The following PKM variants were observed in gnomAD, a reference collection of about 807,000 sequenced individuals.
PKM encodes the protein pyruvate kinase PKM.
A neutral mutation model predicts 49.8 loss-of-function variants in PKM; 18 were observed. That is an observed-to-expected ratio of 0.36 (90% CI 0.25 to 0.54). The LOEUF (loss-of-function observed/expected upper bound fraction) is 0.54, where lower values mean the gene tolerates loss of function less well. Among genes scored for constraint, PKM ranks in the 20% least tolerant of loss-of-function variants. The pLI is 0.89. For missense variants in PKM, 508 were observed against 713.8 expected (o/e 0.71, Z 3.28); for synonymous variants, 239 against 261.8 (o/e 0.91, Z 0.84).
rs1368401188 is a variant in PKM at position 72,202,030 on chromosome 15, T to C, written c.1307+424A>G. On this transcript the variant is annotated intron_variant, in intron 9 of 10. Coordinates refer to ENST00000335181, the MANE Select transcript of PKM (RefSeq NM_002654.6). This position sits in a 1 kb window ranked among gnomAD's most constrained non-coding sequence, Gnocchi z 4.5. ...TTTAGGGCTCAAAAACAGCAGGGAC[T>C]AGTGTGCCAAATGGAGGCACAGTAA... 1 of 261,340 alleles carries C rather than the reference T, an allele frequency of 3.8e-6. No individual in the cohort carries two copies. Among genetic ancestry groups the C allele is most frequent in the Admixed American group, 5.1e-5 (1 of 19,780 alleles). The allele number at this position is 261,340 out of a possible 1,614,324, so 16.2% of individuals were successfully genotyped here. A position where few individuals can be genotyped will look rare whatever the true frequency, so the allele number is the denominator to read the frequency against.
intron 1 of PKM, among the ~76,000 whole-genome samples, chr15:72,220,196 T>C (rs1314591222): frequency 6.6e-6 from 1 of 152,210 alleles, no homozygotes; most frequent in Non-Finnish European, 1.5e-5. Context: ...GCTGTTTCCT[T>C]GAGTTCTCAG....
intron 1 of PKM, among the ~76,000 whole-genome samples, chr15:72,227,067 G>C (rs1328264790): frequency 6.6e-6 from 1 of 152,212 alleles, no homozygotes; most frequent in Non-Finnish European, 1.5e-5. Flanking sequence ...AAAGTCCCAA[G>C]TATTTAAATT....
At chr15:72,210,062 A>G (rs2082209878) in intron 4 of PKM, 5 of 634,068 alleles carry the variant, frequency 7.9e-6, no homozygotes. Flanking sequence ...TATGCTACTT[A>G]ATGATGGGGA....
At chr15:72,203,244 G>T in intron 8 of PKM, 1 of 1,444,010 alleles carries the variant, frequency 6.9e-7, no homozygotes, top group South Asian at 1.1e-5. Flanking sequence ...GGAAAAAAAC[G>T]AGACACAACA....
chr15:72,210,698 A>C (rs546131074), intron 3 of PKM, among the ~76,000 whole-genome samples: 2 of 152,236 alleles, frequency 1.3e-5, no homozygotes, highest in East Asian at 3.9e-4. Context: ...AATTCACCCA[A>C]AGGGCAAATC....
Position 72,202,860 on chromosome 15 carries a change from G to A in PKM, c.1141-240C>T. The A allele has an allele frequency of 2.5e-6, 2 of 786,790 alleles. No homozygotes were observed. Among genetic ancestry groups the A allele is most frequent in the South Asian group, 1.4e-5 (1 of 69,174 alleles). 48.7% of individuals were successfully genotyped at this position (786,790 alleles called of 1,614,324 possible). On this transcript the variant is annotated intron_variant, in intron 8 of 10. Transcript: ENST00000335181. This position sits in a 1 kb window ranked among gnomAD's most constrained non-coding sequence, Gnocchi z 4.5. The stretch of plus-strand genomic sequence containing the variant: ...ATCTACTGTGCCTACTGAGCCACAG[G>A]ACCCTTTGGTCCTGCCCTGCCATGA...
intron 1 of PKM, among the ~76,000 whole-genome samples, chr15:72,230,665 G>A (rs1306935243): frequency 6.6e-6 from 1 of 152,102 alleles, no homozygotes; most frequent in African/African-American, 2.4e-5. Context: ...TAGAATCAGG[G>A]GACACGCACA....
chr15:72,208,880 G>C lies in PKM; in HGVS notation c.577C>G (p.Leu193Val). 6.2e-7 allele frequency: 1 copy of C among 1,613,910 alleles called. No homozygotes were observed. Among genetic ancestry groups the C allele is most frequent in the Non-Finnish European group, 8.5e-7 (1 of 1,179,920 alleles). The change falls in exon 6 of 11, where the codon CTG (leucine) becomes GTG (valine). Residue 193 changes from leucine (L) to valine (V), a missense_variant. Physicochemically the swap from Leu to Val is conservative, Grantham distance 32. Coordinates refer to ENST00000335181, the MANE Select transcript of PKM (RefSeq NM_002654.6). Reference sequence around the variant, plus strand: ...CCACCATTTTCCACCTCCGTCACCAGGAAGTCGGCACCTGTATGAAAAAGG... The same window carrying C: ...CCACCATTTTCCACCTCCGTCACCACGAAGTCGGCACCTGTATGAAAAAGG... ...LQVKQKGADF[L>V]VTEVENGGSL... is the part of the protein sequence containing the mutation.
At position 72,209,579 on chromosome 15, in the gene PKM, T is replaced by G. The variant is rs886410635; in HGVS notation, c.565+94A>C. On this transcript the variant is annotated intron_variant, in intron 5 of 10. Coordinates refer to ENST00000335181, the MANE Select transcript of PKM (RefSeq NM_002654.6). ...TGAGAACACACAGACTCAATCTCAC[T>G]GCCAGGCAACCAACCTTCCCATCTT... 6 of 1,063,466 alleles carry G rather than the reference T, an allele frequency of 5.6e-6. No individual in the cohort carries two copies. The Admixed American group carries it at 1.0e-4, about 18-fold the overall frequency. 65.9% of individuals were successfully genotyped at this position (1,063,466 alleles called of 1,614,324 possible). A position where few individuals can be genotyped will look rare whatever the true frequency, so the allele number is the denominator to read the frequency against.
intron 3 of PKM, among the ~76,000 whole-genome samples, chr15:72,211,870 T>G (rs1232767788): frequency 1.3e-5 from 2 of 150,728 alleles, no homozygotes; most frequent in African/African-American, 4.9e-5. Flanking sequence ...GATAGTGTCA[T>G]CAATAAGACA....
Position 72,199,719 on chromosome 15 carries a change from GACC to G in PKM, c.1524_1526del (p.Val509del). ...CAGGGCGCCATCCGGTCAGCACAAT[GACC>G]ACATCTCCCTTCTTGAAGAAGCCTC... On this transcript the variant is annotated inframe_deletion, in exon 11 of 11. Transcript: ENST00000335181. 6.2e-7 allele frequency: 1 copy of G among 1,614,038 alleles called. No homozygotes were observed. The highest frequency in any genetic ancestry group is 8.5e-7 in the Non-Finnish European group (1 of 1,179,930).
intron 8 of PKM, 112 bp downstream of exon 8, chr15:72,206,616 G>T: frequency 3.0e-5 from 31 of 1,041,902 alleles, no homozygotes; most frequent in Non-Finnish European, 4.5e-5. Flanking sequence ...GGAGGATAAT[G>T]AAAGGCTGTG....
intron 1 of PKM, among the ~76,000 whole-genome samples, chr15:72,223,564 T>C (rs1055496724): frequency 5.3e-5 from 8 of 152,176 alleles, no homozygotes; most frequent in Non-Finnish European, 1.0e-4. Context: ...TACGCTGGCA[T>C]TCAGGTCAGC....
chr15:72,220,446 C>A (rs928795242), intron 1 of PKM, among the ~76,000 whole-genome samples: 79 of 152,260 alleles, frequency 5.2e-4, no homozygotes, highest in African/African-American at 1.9e-3. Flanking sequence ...CAAAGAAGGC[C>A]CGCTGAGGTC....
chr15:72,225,881 G>A (rs574024350), intron 1 of PKM, among the ~76,000 whole-genome samples: 1 of 152,284 alleles, frequency 6.6e-6, no homozygotes, highest in East Asian at 1.9e-4. Context: ...TTAGGTCATG[G>A]AGTATGTTTA....
intron 3 of PKM, among the ~76,000 whole-genome samples, chr15:72,215,779 T>C (rs1011828412): frequency 6.6e-6 from 1 of 152,160 alleles, no homozygotes; most frequent in Non-Finnish European, 1.5e-5. Flanking sequence ...CAGGAGCCCA[T>C]GGCAGACTAC....
intron 8 of PKM, 32 bp downstream of exon 8, chr15:72,206,696 C>T (rs1440782888): frequency 6.2e-7 from 1 of 1,608,802 alleles, no homozygotes; most frequent in Non-Finnish European, 8.5e-7. Flanking sequence ...CAGTCCGAAG[C>T]CCTGGGGGAT....
In PKM at chr15:72,199,347, ACACACAGGAAAGGAAGCTGT is replaced by A; in HGVS notation, c.*283_*302del. The stretch of plus-strand genomic sequence containing the variant: ...TTTTTCTAAAGGAACTGGACAGAGT[ACACACAGGAAAGGAAGCTGT>A]CACCCTCTTGCCATCTGGCTCCAGG... On this transcript the variant is annotated 3_prime_UTR_variant, in exon 11 of 11. Coordinates refer to ENST00000335181, the MANE Select transcript of PKM (RefSeq NM_002654.6). 1.7e-6 allele frequency: 1 copy of A among 578,064 alleles called. No homozygotes were observed. The highest frequency in any genetic ancestry group is 3.2e-6 in the Non-Finnish European group (1 of 308,522). 35.8% of individuals were successfully genotyped at this position (578,064 alleles called of 1,614,324 possible). A position where few individuals can be genotyped will look rare whatever the true frequency, so the allele number is the denominator to read the frequency against.
chr15:72,210,420 G>A lies in PKM; in HGVS notation c.305C>T (p.Pro102Leu), dbSNP rs776042746. The change falls in exon 4 of 11, where the codon CCC becomes CTC. Residue 102 changes from proline (P) to leucine (L), a missense_variant. Coordinates refer to ENST00000335181, the MANE Select transcript of PKM (RefSeq NM_002654.6). ...CACAGCAACGGGCCGGTAGAGGATGGGGTCAGAAGCAAAGCTTTCCGTGGC... is the reference window on the plus strand; with the variant it reads ...CACAGCAACGGGCCGGTAGAGGATGAGGTCAGAAGCAAAGCTTTCCGTGGC... ...RTATESFASD[P>L]ILYRPVAVAL... The A allele has an allele frequency of 6.2e-7, 1 of 1,614,044 alleles. No homozygotes were observed. The highest frequency in any genetic ancestry group is 8.5e-7 in the Non-Finnish European group (1 of 1,180,018).
Sources: allele counts gnomAD v4.1 joint callset (sites outside exome capture counted in the v4.1 genomes callset), GRCh38; gene constraint gnomAD v4.1.1; non-coding constraint Gnocchi (gnomAD v3.1); transcripts MANE v1.5; gene names NCBI Gene and HGNC (gene_info 2026-07-23, HGNC 2026-07-21).